The following SBF2 variants were observed in gnomAD, a reference collection of about 807,000 sequenced individuals.
SBF2 encodes myotubularin-related protein 13.
SBF2 carries 112 observed loss-of-function variants against 225.2 expected under a neutral mutation model. That is an observed-to-expected ratio of 0.50 (90% CI 0.43 to 0.58). SBF2 has a LOEUF of 0.58. Ranked by LOEUF, SBF2 falls within the 20% of genes least tolerant of loss-of-function variation. The pLI, the probability that SBF2 is intolerant of heterozygous loss-of-function variation, is 0.00. For missense variants in SBF2, 1,996 were observed against 2,206.2 expected, an observed-to-expected ratio of 0.90 and a Z score of 1.91; for synonymous variants, 763 against 773.3, an observed-to-expected ratio of 0.99 and a Z score of 0.22.
chr11:10,184,409 A>T (rs949127434), intron 2 of SBF2, among the ~76,000 whole-genome samples: 2 of 152,152 alleles, frequency 1.3e-5, no homozygotes, highest in South Asian at 4.1e-4. Context: ...AGATTTATTC[A>T]TTTCAGTACA....
chr11:10,209,940 C>G (rs997260330), intron 1 of SBF2, among the ~76,000 whole-genome samples: 1 of 152,154 alleles, frequency 6.6e-6, no homozygotes, highest in Non-Finnish European at 1.5e-5. Flanking sequence ...GGTTTAGACC[C>G]TTGTTCTCAT....
intron 2 of SBF2, among the ~76,000 whole-genome samples, chr11:10,098,106 C>T (rs1952108254): frequency 6.6e-6 from 1 of 152,124 alleles, no homozygotes; most frequent in Non-Finnish European, 1.5e-5. Context: ...GTTCCCCTAA[C>T]ATACCATGCA....
chr11:10,073,694 T>C (rs561872155), intron 2 of SBF2, among the ~76,000 whole-genome samples: 2 of 152,182 alleles, frequency 1.3e-5, no homozygotes, highest in Admixed American at 1.3e-4. Flanking sequence ...TACTGCACTC[T>C]AGCCTGGGAG....
rs894581022 is a variant in SBF2, at chr11:10,244,030, T to C, written c.55+49985A>G. ...ATCCCTGAAAATAGATGCAAAAATC[T>C]TCAACAAAATATTAGCAAACCAAAT... On this transcript the variant is annotated intron_variant, in intron 1 of 39. Coordinates refer to ENST00000256190, the MANE Select transcript of SBF2 (RefSeq NM_030962.4). Among the ~76,000 whole-genome samples the C allele has an allele frequency of 2.6e-5, 4 of 152,116 alleles. No homozygotes were observed. In the East Asian group the frequency reaches 5.8e-4, roughly 22 times the overall value.
chr11:10,004,539 T>A (rs529153375), intron 6 of SBF2, among the ~76,000 whole-genome samples: 1 of 124,676 alleles, frequency 8.0e-6, no homozygotes, highest in Non-Finnish European at 1.6e-5. Context: ...AAAACCAACC[T>A]CCATTTTATT....
At chr11:10,232,784 A>G (rs1177168414) in intron 1 of SBF2, among the ~76,000 whole-genome samples, 1 of 152,192 alleles carries the variant, frequency 6.6e-6, no homozygotes, top group African/African-American at 2.4e-5. Context: ...AGATGCTTTC[A>G]TTTGGGAAAA....
At chr11:9,833,774 C>CTTT (rs35133643) in intron 26 of SBF2, among the ~76,000 whole-genome samples, 5 of 127,670 alleles carry the variant, frequency 3.9e-5, no homozygotes, top group Non-Finnish European at 4.8e-5. Context: ...TCATGCTATC[C>CTTT]TTTTTTTTTT....
At chr11:10,147,872 C>A (rs985768025) in intron 2 of SBF2, among the ~76,000 whole-genome samples, 1 of 152,054 alleles carries the variant, frequency 6.6e-6, no homozygotes, top group Non-Finnish European at 1.5e-5. Flanking sequence ...TGGTAAAATA[C>A]AAACCCAATA....
At chr11:10,260,185 G>A (rs934842750) in intron 1 of SBF2, among the ~76,000 whole-genome samples, 1 of 152,140 alleles carries the variant, frequency 6.6e-6, no homozygotes, top group African/African-American at 2.4e-5. Context: ...CCCATAATGT[G>A]TTAATAAAAT....
At chr11:10,145,020 T>G (rs1954822333) in intron 2 of SBF2, among the ~76,000 whole-genome samples, 1 of 152,194 alleles carries the variant, frequency 6.6e-6, no homozygotes, top group African/African-American at 2.4e-5. Context: ...AAACATAGCT[T>G]AAATTAAGGA....
intron 16 of SBF2, among the ~76,000 whole-genome samples, chr11:9,932,509 G>A (rs956518118): frequency 1.3e-5 from 2 of 152,114 alleles, no homozygotes; most frequent in African/African-American, 2.4e-5. Flanking sequence ...TTTCAACCCA[G>A]AATTTCATAT....
intron 16 of SBF2, among the ~76,000 whole-genome samples, chr11:9,930,235 C>T (rs1864385962): frequency 6.6e-6 from 1 of 152,152 alleles, no homozygotes; most frequent in Admixed American, 6.5e-5. Context: ...TCCAAAACTG[C>T]ATTTACTTTT....
intron 16 of SBF2, among the ~76,000 whole-genome samples, chr11:9,911,544 T>C (rs1272989785): frequency 6.6e-6 from 1 of 152,148 alleles, no homozygotes; most frequent in Non-Finnish European, 1.5e-5. Flanking sequence ...TATAGCAAGC[T>C]AAGTTTAATG....
At chr11:9,840,728 G>A (rs1856072772) in intron 25 of SBF2, among the ~76,000 whole-genome samples, 1 of 152,090 alleles carries the variant, frequency 6.6e-6, no homozygotes, top group South Asian at 2.1e-4. Context: ...TTCACTAGAG[G>A]GAAAAATAAC....
chr11:9,953,039 G>A (rs1020214794), intron 16 of SBF2, among the ~76,000 whole-genome samples: 1 of 152,222 alleles, frequency 6.6e-6, no homozygotes, highest in African/African-American at 2.4e-5. Flanking sequence ...CAGAGGAAAA[G>A]AAGTCATACC....
chr11:9,940,130 G>A (rs527408903), intron 16 of SBF2, among the ~76,000 whole-genome samples: 1 of 152,180 alleles, frequency 6.6e-6, no homozygotes, highest in Non-Finnish European at 1.5e-5. Flanking sequence ...AAGGCCGGGC[G>A]CGGTGGCTCA....
At position 10,138,757 on chromosome 11, in the gene SBF2, G is replaced by A. The variant is rs1011274806; in HGVS notation, c.141+55145C>T. 4.6e-5 allele frequency among the ~76,000 whole-genome samples: 7 copies of A among 151,798 alleles called. No homozygotes were observed. The South Asian group carries it at 1.0e-3, about 23-fold the overall frequency. The stretch of plus-strand genomic sequence containing the variant: ...GATTTTCCTATTTTCTTTCCATTAT[G>A]GATATCTAGTTTGATTCCATGGTGG... On this transcript the variant is annotated intron_variant, in intron 2 of 39. Transcript: ENST00000256190.
chr11:9,783,745 TC>T (rs1426045922), intron 38 of SBF2, among the ~76,000 whole-genome samples: 1 of 152,234 alleles, frequency 6.6e-6, no homozygotes, highest in Non-Finnish European at 1.5e-5. Context: ...CACGGTGAAT[TC>T]CAAGTTTGGG....
At chr11:10,284,789 G>GT (rs969104731) in intron 1 of SBF2, among the ~76,000 whole-genome samples, 2 of 151,732 alleles carry the variant, frequency 1.3e-5, no homozygotes, top group Admixed American at 1.3e-4. Flanking sequence ...TCATTTTTAT[G>GT]TTTTTTTAAT....
Sources: allele counts gnomAD v4.1 joint callset (sites outside exome capture counted in the v4.1 genomes callset), GRCh38; gene constraint gnomAD v4.1.1; transcripts MANE v1.5; gene names NCBI Gene and HGNC (gene_info 2026-07-23, HGNC 2026-07-21).